Variants in HTATIP2 observed in about 807,000 individuals in gnomAD.
HTATIP2 encodes HIV-1 Tat interactive protein 2, also known as protein HTATIP2.
Under a neutral mutation model 24.7 loss-of-function variants are expected in HTATIP2, and 26 were observed. The observed-to-expected ratio is 1.05, with a 90% confidence interval of 0.77 to 1.46. The LOEUF is 1.46. Among genes scored for constraint, HTATIP2 ranks in the 40% most tolerant of loss-of-function variants. The pLI, the probability that HTATIP2 is intolerant of heterozygous loss-of-function variation, is 0.00. For synonymous variants in HTATIP2, 99 were observed against 113.2 expected, an observed-to-expected ratio of 0.87 and a Z score of 0.79; for missense variants, 284 against 289.6, an observed-to-expected ratio of 0.98 and a Z score of 0.14.
chr11:20,365,932 C>T (rs1368918166), intron 1 of HTATIP2, among the ~76,000 whole-genome samples: 2 of 142,870 alleles, frequency 1.4e-5, no homozygotes, highest in African/African-American at 5.3e-5. Context: ...AATTGTGCCA[C>T]TGCACTCCAG....
chr11:20,376,822 A>G (rs953232233), intron 3 of HTATIP2, 105 bp downstream of exon 3: 1 of 789,018 alleles, frequency 1.3e-6, no homozygotes. Flanking sequence ...CAAATGCATC[A>G]TATTATGCAT....
rs547626827 is a variant in HTATIP2 at position 20,377,196 on chromosome 11, C to T, written c.441+479C>T. Among the ~76,000 whole-genome samples, 19 of 150,828 alleles carry T rather than the reference C, an allele frequency of 1.3e-4. No individual in the cohort carries two copies. The South Asian group carries it at 3.5e-3, about 28-fold the overall frequency. On this transcript the variant is annotated intron_variant, in intron 3 of 4. Transcript: ENST00000451739. Reference sequence around the variant, plus strand: ...TGGCATGATCTTGGCTCGCTGCAGCCTCTGCCCCGCCAAGTAACTGGGACT... The same window carrying T: ...TGGCATGATCTTGGCTCGCTGCAGCTTCTGCCCCGCCAAGTAACTGGGACT...
chr11:20,369,875 T>G (rs2064753067), intron 2 of HTATIP2, among the ~76,000 whole-genome samples: 1 of 152,222 alleles, frequency 6.6e-6, no homozygotes, highest in African/African-American at 2.4e-5. Flanking sequence ...CTACTCAGGT[T>G]TCTATTGACA....
intron 1 of HTATIP2, 34 bp downstream of exon 1, chr11:20,364,466 C>T: frequency 1.9e-6 from 3 of 1,540,724 alleles, no homozygotes; most frequent in Non-Finnish European, 2.7e-6. Flanking sequence ...AATGGACCCC[C>T]AGGATTCTGC....
chr11:20,364,924 G>A (rs757577474), intron 1 of HTATIP2, among the ~76,000 whole-genome samples: 2 of 151,838 alleles, frequency 1.3e-5, no homozygotes, highest in Non-Finnish European at 2.9e-5. Flanking sequence ...AATTTGCCCT[G>A]CCTGACTTCC....
chr11:20,382,839 A>C, intron 4 of HTATIP2, 141 bp from the exon 5 acceptor site: 1 of 527,916 alleles, frequency 1.9e-6, no homozygotes, highest in Non-Finnish European at 3.2e-6. Context: ...TTATCTTCAA[A>C]TATAGACACC....
Position 20,363,935 on chromosome 11 carries a change from C to G in HTATIP2, c.-303C>G. ...CAGGTAACCCCTCCGCGTATGGGAC[C>G]GAGCTGGGCCAGGTCTCCTGGCCGG... On this transcript the variant is annotated 5_prime_UTR_variant, in exon 1 of 5. Coordinates refer to ENST00000451739, the MANE Select transcript of HTATIP2 (RefSeq NM_001098522.2). 8.0e-7 allele frequency: 1 copy of G among 1,242,376 alleles called. No individual in the cohort carries two copies. The highest frequency in any genetic ancestry group is 1.0e-6 in the Non-Finnish European group (1 of 990,076). The allele number at this position is 1,242,376 out of a possible 1,614,324, so 77.0% of individuals were successfully genotyped here.
intron 2 of HTATIP2, among the ~76,000 whole-genome samples, chr11:20,374,154 T>C (rs1848407379): frequency 6.6e-6 from 1 of 152,208 alleles, no homozygotes; most frequent in African/African-American, 2.4e-5. Flanking sequence ...TTTACAGTAA[T>C]GGTAATGTTC....
rs2064657812 is a variant in HTATIP2 at position 20,363,729 on chromosome 11, C to T, written c.-509C>T. ...GGGGCGAGGCAGCGTCGCCGCGAGG[C>T]CACCCGGAAGACCAAGCCGGGTAGG... On this transcript the variant is annotated 5_prime_UTR_variant, in exon 1 of 5. Transcript: ENST00000451739. The T allele has an allele frequency of 1.6e-6, 2 of 1,231,612 alleles. No individual in the cohort carries two copies. The highest frequency in any genetic ancestry group is 2.0e-6 in the Non-Finnish European group (2 of 985,962). 76.3% of individuals were successfully genotyped at this position (1,231,612 alleles called of 1,614,324 possible). A position where few individuals can be genotyped will look rare whatever the true frequency, so the allele number is the denominator to read the frequency against.
In HTATIP2 at chr11:20,364,142, C is replaced by G. The variant is rs928731103; in HGVS notation, c.-96C>G. On this transcript the variant is annotated 5_prime_UTR_variant, in exon 1 of 5. Transcript: ENST00000451739. The stretch of plus-strand genomic sequence containing the variant: ...CCCGGACTGCGGAGAACAATATCCT[C>G]CTCCCTAACAGATAAACAGCCCTTG... The G allele has an allele frequency of 1.3e-6, 2 of 1,489,782 alleles. No individual in the cohort carries two copies. The highest frequency in any genetic ancestry group is 2.5e-4 in the Middle Eastern group (1 of 3,942). The allele number at this position is 1,489,782 out of a possible 1,614,324, so 92.3% of individuals were successfully genotyped here.
At chr11:20,367,965 ATT>A (rs2064730352) in intron 2 of HTATIP2, among the ~76,000 whole-genome samples, 1 of 152,228 alleles carries the variant, frequency 6.6e-6, no homozygotes, top group East Asian at 1.9e-4. Context: ...GGTACATCTT[ATT>A]TAATTTATAC....
At chr11:20,367,798 T>A in intron 2 of HTATIP2, 1 of 339,292 alleles carries the variant, frequency 2.9e-6, no homozygotes, top group Non-Finnish European at 4.3e-6. Flanking sequence ...ACCCCACTAA[T>A]GATTCAGTCT....
At chr11:20,377,127 TTC>T (rs1848457931) in intron 3 of HTATIP2, among the ~76,000 whole-genome samples, 1 of 43,030 alleles carries the variant, frequency 2.3e-5, no homozygotes, top group South Asian at 9.9e-4. Context: ...CAACTTTCTT[TTC>T]TTTTTTTTTT....
chr11:20,366,340 C>T (rs879879699), intron 1 of HTATIP2, among the ~76,000 whole-genome samples: 2 of 151,760 alleles, frequency 1.3e-5, no homozygotes, highest in Non-Finnish European at 2.9e-5. Context: ...CTCCTGACCT[C>T]GTGATCCACC....
At position 20,370,626 on chromosome 11, in the gene HTATIP2, C is replaced by A. The variant is rs928707725; in HGVS notation, c.303+3345C>A. 1.6e-4 allele frequency among the ~76,000 whole-genome samples: 24 copies of A among 152,146 alleles called. 1 individual carries two copies. The highest frequency in any genetic ancestry group is 1.5e-3 in the Admixed American group (23 of 15,276). ...ACAGCCTGCCACCTGTTTTTGTACA[C>A]CCTGTGAGCTAAGAATGTCTTTATG... On this transcript the variant is annotated intron_variant, in intron 2 of 4. Coordinates refer to ENST00000451739, the MANE Select transcript of HTATIP2 (RefSeq NM_001098522.2).
intron 1 of HTATIP2, among the ~76,000 whole-genome samples, chr11:20,366,231 A>T (rs1292642357): frequency 6.7e-6 from 1 of 149,872 alleles, no homozygotes; most frequent in Non-Finnish European, 1.5e-5. Context: ...CCTCCCGAGT[A>T]GCTGCAACTA....
intron 2 of HTATIP2, among the ~76,000 whole-genome samples, chr11:20,374,985 A>G (rs572921165): frequency 6.6e-6 from 1 of 152,124 alleles, no homozygotes; most frequent in Non-Finnish European, 1.5e-5. Flanking sequence ...TGCCTACCAC[A>G]ATCACGGATT....
At chr11:20,367,587 T>C in intron 2 of HTATIP2, 1 of 1,383,708 alleles carries the variant, frequency 7.2e-7, no homozygotes, top group Non-Finnish European at 9.3e-7. Context: ...GATGTCTGAG[T>C]AAAACTAATT....
chr11:20,383,059 TG>T lies in HTATIP2; in HGVS notation c.586del (p.Ala196ProfsTer9), dbSNP rs1565185933. On this transcript the variant is annotated frameshift_variant, in exon 5 of 5. Coordinates refer to ENST00000451739, the MANE Select transcript of HTATIP2 (RefSeq NM_001098522.2). LOFTEE classifies it high-confidence loss of function. Reference protein sequence around the residue: ...RKFFGSLPDSWASGHSVPVVT... With the variant: ...RKFFGSLPDSXASGHSVPVVT... Reference sequence around the variant, plus strand: ...GTTCTTTGGCTCCTTACCAGACTCTTGGGCCAGTGGGCATTCTGTGCCTGTG... The same window carrying T: ...GTTCTTTGGCTCCTTACCAGACTCTTGGCCAGTGGGCATTCTGTGCCTGTG... 1 of 1,613,794 alleles carries T rather than the reference TG, an allele frequency of 6.2e-7. No individual in the cohort carries two copies. Among genetic ancestry groups the T allele is most frequent in the Non-Finnish European group, 8.5e-7 (1 of 1,180,004 alleles).
Sources: gnomAD v4.1 joint callset for allele counts (sites outside exome capture counted in the v4.1 genomes callset) on GRCh38, gnomAD v4.1.1 for gene constraint, MANE v1.5 for transcripts, NCBI Gene and HGNC (gene_info 2026-07-23, HGNC 2026-07-21) for gene names.